The following ASS1 variants were observed in gnomAD, a reference collection of about 807,000 sequenced individuals.
The protein encoded by ASS1 is argininosuccinate synthase 1, also known as argininosuccinate synthase.
Under a neutral mutation model 60.5 loss-of-function variants are expected in ASS1, and 58 were observed. The observed-to-expected ratio is 0.96, with a 90% CI of 0.78 to 1.19. The LOEUF (loss-of-function observed/expected upper bound fraction) is 1.19. Ranked by LOEUF, ASS1 falls within the 50% of genes most tolerant of loss-of-function variation. ASS1 has a pLI of 0.00. For synonymous variants in ASS1, 200 were observed against 206.9 expected, an observed-to-expected ratio of 0.97 and a Z score of 0.29; for missense variants, 454 against 547.3, an observed-to-expected ratio of 0.83 and a Z score of 1.70.
chr9:130,470,978 C>G lies in ASS1; in HGVS notation c.566+74C>G, dbSNP rs764108861. Reference sequence around the variant, plus strand: ...AGGACGGCCACGCGCTGCCCCAGGACGTCCTGGTGACCCCCACACCAGTGG... The same window carrying G: ...AGGACGGCCACGCGCTGCCCCAGGAGGTCCTGGTGACCCCCACACCAGTGG... On this transcript the variant is annotated intron_variant, in intron 7 of 14. Coordinates refer to ENST00000352480, the MANE Select transcript of ASS1 (RefSeq NM_054012.4). This position sits in a 1 kb window ranked among gnomAD's most constrained non-coding sequence, Gnocchi z 4.3. 6.5e-7 allele frequency: 1 copy of G among 1,539,740 alleles called. No homozygotes were observed. Among genetic ancestry groups the G allele is most frequent in the African/African-American group, 1.4e-5 (1 of 73,174 alleles).
intron 13 of ASS1, among the ~76,000 whole-genome samples, chr9:130,497,319 C>T (rs987897043): frequency 6.6e-6 from 1 of 152,164 alleles, no homozygotes; most frequent in African/African-American, 2.4e-5. Flanking sequence ...GACTTGAAAG[C>T]CCTTGAGTGA....
chr9:130,485,579 A>G (rs1846288907), intron 11 of ASS1, among the ~76,000 whole-genome samples: 1 of 152,174 alleles, frequency 6.6e-6, no homozygotes, highest in Non-Finnish European at 1.5e-5. Context: ...TAGGAGTTGA[A>G]AATGAGGAGG....
intron 8 of ASS1, among the ~76,000 whole-genome samples, chr9:130,475,250 C>T (rs1387439068): frequency 1.3e-5 from 2 of 152,292 alleles, no homozygotes; most frequent in African/African-American, 4.8e-5. Flanking sequence ...GCATGTACCC[C>T]CAGAGTGAAT....
Position 130,500,813 on chromosome 9 carries a change from C to T in ASS1, c.1194-163C>T, listed in dbSNP as rs147739877. Among the ~76,000 whole-genome samples, 161 of 152,226 alleles carry T rather than the reference C, an allele frequency of 1.1e-3. 1 individual carries two copies. The highest frequency in any genetic ancestry group is 3.7e-3 in the African/African-American group (155 of 41,536). ...TAATTACATTATCCTGATTGGAGGGCAGGAGGGGCCAGGGCGGGAGAGGGA... is the reference window on the plus strand; with the variant it reads ...TAATTACATTATCCTGATTGGAGGGTAGGAGGGGCCAGGGCGGGAGAGGGA... On this transcript the variant is annotated intron_variant, in intron 14 of 14. Transcript: ENST00000352480.
In ASS1 at chr9:130,491,778, C is replaced by A. The variant is rs1846456149; in HGVS notation, c.970+2314C>A. ...TAGGAGACTTAAAAGGAAACAAAATCTCAGAGTGGAGGCGAGGGAGAGTAG... is the reference window on the plus strand; with the variant it reads ...TAGGAGACTTAAAAGGAAACAAAATATCAGAGTGGAGGCGAGGGAGAGTAG... On this transcript the variant is annotated intron_variant, in intron 12 of 14. Transcript: ENST00000352480. This position sits in a 1 kb window ranked among gnomAD's most constrained non-coding sequence, Gnocchi z 5.3. Among the ~76,000 whole-genome samples, 1 of 152,186 alleles carries A rather than the reference C, an allele frequency of 6.6e-6. No homozygotes were observed. The highest frequency in any genetic ancestry group is 2.4e-5 in the African/African-American group (1 of 41,458).
intron 8 of ASS1, 82 bp downstream of exon 8, chr9:130,471,597 T>C (rs1009289949): frequency 1.4e-5 from 21 of 1,503,536 alleles, no homozygotes; most frequent in Non-Finnish European, 1.8e-5. Context: ...GATGTATTTA[T>C]AGCCTAATTT....
chr9:130,496,624 A>G (rs558054183), intron 13 of ASS1, among the ~76,000 whole-genome samples: 10 of 151,080 alleles, frequency 6.6e-5, no homozygotes, highest in Admixed American at 6.6e-4. Context: ...AAAAGGAAAC[A>G]CAACTGGAAC....
chr9:130,466,546 A>G, intron 5 of ASS1, 179 bp from the exon 6 acceptor site: 1 of 658,358 alleles, frequency 1.5e-6, no homozygotes, highest in Admixed American at 2.2e-5. Flanking sequence ...CCGGTGAGGG[A>G]GTCTGTGTCC....
intron 1 of ASS1, among the ~76,000 whole-genome samples, chr9:130,447,011 A>G (rs972798171): frequency 6.6e-6 from 1 of 152,332 alleles, no homozygotes; most frequent in Middle Eastern, 3.4e-3. Flanking sequence ...CCCTTCGTCC[A>G]TCACCAAAGA....
At chr9:130,500,888 C>T in intron 14 of ASS1, 88 bp from the exon 15 acceptor site, 1 of 1,439,466 alleles carries the variant, frequency 6.9e-7, no homozygotes, top group South Asian at 1.2e-5. Flanking sequence ...GCTGCCCCAG[C>T]CACCCCAGCT....
rs372067240 is a variant in ASS1, at chr9:130,482,136, A to C, written c.838+1687A>C. 2.1e-3 allele frequency among the ~76,000 whole-genome samples: 327 copies of C among 152,160 alleles called. 2 individuals carry two copies. Among genetic ancestry groups the C allele is most frequent in the African/African-American group, 7.2e-3 (299 of 41,520 alleles). On this transcript the variant is annotated intron_variant, in intron 11 of 14. Transcript: ENST00000352480. ...CTTTAGTGGCAGGACCAGGACTGCC[A>C]TCTGGGCCCAGAGTGGCATGGAGTG...
chr9:130,455,228 G>A (rs866687818), intron 3 of ASS1, among the ~76,000 whole-genome samples: 19 of 138,458 alleles, frequency 1.4e-4, no homozygotes, highest in African/African-American at 2.8e-4. Flanking sequence ...TCATCCATCC[G>A]TCTATTCATC....
At position 130,501,117 on chromosome 9, in the gene ASS1, TC is replaced by T; in HGVS notation, c.*100del. ...GATAATTTGTAATTGTGACTTGTTC[TC>T]CCCGGCTGGCAGCGTAGTGGGGCTG... is the stretch of plus-strand genomic sequence containing the variant. On this transcript the variant is annotated 3_prime_UTR_variant, in exon 15 of 15. Transcript: ENST00000352480. 7.1e-7 allele frequency: 1 copy of T among 1,406,538 alleles called. No homozygotes were observed. The highest frequency in any genetic ancestry group is 9.9e-7 in the Non-Finnish European group (1 of 1,007,016). 87.1% of individuals were successfully genotyped at this position (1,406,538 alleles called of 1,614,324 possible).
At chr9:130,485,785 C>A (rs1846294410) in intron 11 of ASS1, among the ~76,000 whole-genome samples, 1 of 152,178 alleles carries the variant, frequency 6.6e-6, no homozygotes, top group South Asian at 2.1e-4. Context: ...GTGTCGTGCT[C>A]TTGGGAAATT....
intron 3 of ASS1, among the ~76,000 whole-genome samples, chr9:130,455,392 A>G (rs1484905791): frequency 1.3e-5 from 2 of 150,786 alleles, no homozygotes; most frequent in Non-Finnish European, 3.0e-5. Flanking sequence ...CCATTCATCT[A>G]TCCATCCCCC....
At chr9:130,464,240 T>G in intron 5 of ASS1, 73 bp downstream of exon 5, 3 of 1,534,906 alleles carry the variant, frequency 2.0e-6, no homozygotes, top group Non-Finnish European at 2.7e-6. Context: ...GGGCACAGGG[T>G]TCTGGGAGAT....
intron 11 of ASS1, among the ~76,000 whole-genome samples, chr9:130,483,145 G>A (rs1412924604): frequency 6.6e-6 from 1 of 152,078 alleles, no homozygotes; most frequent in Non-Finnish European, 1.5e-5. Flanking sequence ...GAGGAGAGAC[G>A]GTAAATTAGG....
At chr9:130,466,545 G>A (rs1588483112) in intron 5 of ASS1, 180 bp from the exon 6 acceptor site, 1 of 656,814 alleles carries the variant, frequency 1.5e-6, no homozygotes, top group Admixed American at 2.2e-5. Flanking sequence ...CCCGGTGAGG[G>A]AGTCTGTGTC....
In ASS1 at chr9:130,488,443, G is replaced by T. The variant is rs1016996314; in HGVS notation, c.839-890G>T. On this transcript the variant is annotated intron_variant, in intron 11 of 14. Coordinates refer to ENST00000352480, the MANE Select transcript of ASS1 (RefSeq NM_054012.4). This position sits in a 1 kb window ranked among gnomAD's most constrained non-coding sequence, Gnocchi z 5.2. ...GGTCGCACTCCTGGGGCAAGAGGGG[G>T]CCTGGGCTGTGTGCTGTGGGCGGTC... Among the ~76,000 whole-genome samples, 3 of 152,204 alleles carry T rather than the reference G, an allele frequency of 2.0e-5. No homozygotes were observed. The highest frequency in any genetic ancestry group is 4.4e-5 in the Non-Finnish European group (3 of 68,030).
Sources: gnomAD v4.1 joint callset for allele counts (sites outside exome capture counted in the v4.1 genomes callset) on GRCh38, gnomAD v4.1.1 for gene constraint, Gnocchi (gnomAD v3.1) non-coding constraint, MANE v1.5 for transcripts, NCBI Gene and HGNC (gene_info 2026-07-23, HGNC 2026-07-21) for gene names.